Variants in PWWP3A observed in about 807,000 individuals in gnomAD.
The protein encoded by PWWP3A is PWWP domain containing 3A, DNA repair factor.
In PWWP3A, 53 loss-of-function variants were observed where a neutral mutation model predicts 79.0. That is an observed-to-expected ratio of 0.67 (90% confidence interval 0.54 to 0.84). The LOEUF (loss-of-function observed/expected upper bound fraction) is 0.84, where lower values mean the gene tolerates loss of function less well. Ranked by LOEUF, PWWP3A falls within the 40% of genes least tolerant of loss-of-function variation. The probability of loss-of-function intolerance (pLI) is 0.00; values close to 1 mark genes in which losing one functional copy is unlikely to be tolerated. For missense variants in PWWP3A, 973 were observed against 948.0 expected, an observed-to-expected ratio of 1.03 and a Z score of -0.35; for synonymous variants, 443 against 394.4, an observed-to-expected ratio of 1.12 and a Z score of -1.46.
At position 1,377,642 on chromosome 19, in the gene PWWP3A, A is replaced by C. The variant is rs946724372; in HGVS notation, c.*1066A>C. On this transcript the variant is annotated 3_prime_UTR_variant, in exon 14 of 14. Transcript: ENST00000591337. The stretch of plus-strand genomic sequence containing the variant: ...TCCAGCAGGGTCAGACGTGCTGTTA[A>C]GAGCAAAGCCACAGACGATGACTTG... The C allele has an allele frequency of 3.3e-5, 5 of 152,366 alleles. No homozygotes were observed. Among genetic ancestry groups the C allele is most frequent in the Non-Finnish European group, 7.3e-5 (5 of 68,158 alleles). 9.4% of individuals were successfully genotyped at this position (152,366 alleles called of 1,614,324 possible). A position where few individuals can be genotyped will look rare whatever the true frequency, so the allele number is the denominator to read the frequency against.
At position 1,376,302 on chromosome 19, in the gene PWWP3A, T is replaced by TTTG. The variant is rs1555773635; in HGVS notation, c.2076-215_2076-214insGTT. Among the ~76,000 whole-genome samples the TTTG allele has an allele frequency of 3.7e-4, 36 of 96,122 alleles. 1 individual carries two copies. Among genetic ancestry groups the TTTG allele is most frequent in the African/African-American group, 1.8e-3 (33 of 18,694 alleles). 63.1% of individuals were successfully genotyped at this position (96,122 alleles called of 152,430 possible). On this transcript the variant is annotated intron_variant, in intron 13 of 13. Transcript: ENST00000591337. ...CACCACGCCCGGCTGTTTGTTTTTT[T>TTTG]TTTTGTTTGTTTTTTTTTTTTTTTG...
intron 13 of PWWP3A, among the ~76,000 whole-genome samples, chr19:1,375,692 A>G (rs1042242406): frequency 7.4e-6 from 1 of 135,902 alleles, no homozygotes; most frequent in Admixed American, 7.6e-5. Flanking sequence ...ATAATATATA[A>G]AACAATTTAA....
In PWWP3A at chr19:1,369,321, C is replaced by A. The variant is rs760773860; in HGVS notation, c.1479C>A (p.Thr493=). The change falls in exon 10 of 14, where the codon ACC becomes ACA. Residue 493 remains threonine (T), a synonymous_variant. Coordinates refer to ENST00000591337, the MANE Select transcript of PWWP3A (RefSeq NM_001369789.1). The surrounding 1 kb of genome is among the most constrained non-coding windows in gnomAD (Gnocchi z 4.0). ...TCGGCTGGTGTGTCTCCCTCATCAC[C>A]GACTACAGGGTCCGGTTAGGTACGT... ...QDIGWCVSLI[T]DYRVRLGCGS... The A allele has an allele frequency of 6.2e-7, 1 of 1,613,912 alleles. No homozygotes were observed. Among genetic ancestry groups the A allele is most frequent in the African/African-American group, 1.3e-5 (1 of 75,044 alleles).
At position 1,368,424 on chromosome 19, in the gene PWWP3A, A is replaced by C. The variant is rs2082174433; in HGVS notation, c.1423-841A>C. The stretch of plus-strand genomic sequence containing the variant: ...ATGTGGTGGTCCCGAAGCCCACTTG[A>C]TTCAGTGGTAGTCACCGTGGCTTCT... On this transcript the variant is annotated intron_variant, in intron 9 of 13. Transcript: ENST00000591337. This position sits in a 1 kb window ranked among gnomAD's most constrained non-coding sequence, Gnocchi z 4.7. Among the ~76,000 whole-genome samples the C allele has an allele frequency of 6.6e-6, 1 of 152,060 alleles. No individual in the cohort carries two copies. Among genetic ancestry groups the C allele is most frequent in the African/African-American group, 2.4e-5 (1 of 41,396 alleles).
Position 1,361,936 on chromosome 19 carries a change from G to A in PWWP3A, c.1112-314G>A, listed in dbSNP as rs550150315. On this transcript the variant is annotated intron_variant, in intron 5 of 13. Coordinates refer to ENST00000591337, the MANE Select transcript of PWWP3A (RefSeq NM_001369789.1). ...TCAGATGTGAAGGGACAGCCAGGCC[G>A]GGACAAAAGGGATTCCCACCCAGGG... 77 of 259,822 alleles carry A rather than the reference G, an allele frequency of 3.0e-4. 2 individuals are homozygous for A. The highest frequency in any genetic ancestry group is 1.4e-3 in the Middle Eastern group (1 of 714). The allele number at this position is 259,822 out of a possible 1,614,324, so 16.1% of individuals were successfully genotyped here. A position where few individuals can be genotyped will look rare whatever the true frequency, so the allele number is the denominator to read the frequency against.
intron 9 of PWWP3A, among the ~76,000 whole-genome samples, chr19:1,367,631 C>T (rs1199412728): frequency 1.3e-5 from 2 of 152,234 alleles, no homozygotes; most frequent in East Asian, 1.9e-4. Context: ...AGCTCAGCGT[C>T]GGGAGCCCTG....
At chr19:1,364,187 G>A (rs373967883) in intron 6 of PWWP3A, 12 of 555,198 alleles carry the variant, frequency 2.2e-5, no homozygotes, top group African/African-American at 5.6e-5. Flanking sequence ...TAGGAAAGTC[G>A]CGCACACATA....
At chr19:1,356,503 A>G in intron 2 of PWWP3A, 54 bp downstream of exon 2, 2 of 1,564,522 alleles carry the variant, frequency 1.3e-6, no homozygotes, top group East Asian at 4.5e-5. Context: ...TCGGGTGACA[A>G]GTAAAATCTT....
At chr19:1,374,294 C>G (rs2082319859) in intron 13 of PWWP3A, 1 of 152,160 alleles carries the variant, frequency 6.6e-6, no homozygotes, top group Non-Finnish European at 1.5e-5. Flanking sequence ...GGTGCTGGTG[C>G]TGATGGAGAA....
At chr19:1,356,517 CAGG>C (rs149297811) in intron 2 of PWWP3A, 68 bp downstream of exon 2, 121,252 of 1,442,882 alleles carry the variant, frequency 0.084, 5,915 homozygotes, top group Non-Finnish European at 0.1. Flanking sequence ...AAATCTTGAT[CAGG>C]AGATACCTAG....
intron 5 of PWWP3A, 73 bp from the exon 6 acceptor site, chr19:1,362,177 T>G: frequency 1.8e-5 from 24 of 1,299,530 alleles, no homozygotes; most frequent in Non-Finnish European, 2.3e-5. Context: ...TCATGTGTCA[T>G]GAAATGTTTT....
At chr19:1,358,977 G>A (rs1293858925) in intron 4 of PWWP3A, 7 of 315,410 alleles carry the variant, frequency 2.2e-5, no homozygotes, top group Non-Finnish European at 4.5e-5. Context: ...TGTCATGGGG[G>A]GCACGAGGCA....
At chr19:1,367,681 G>A (rs2082158570) in intron 9 of PWWP3A, among the ~76,000 whole-genome samples, 1 of 152,236 alleles carries the variant, frequency 6.6e-6, no homozygotes, top group African/African-American at 2.4e-5. Context: ...CCGATACCAC[G>A]TGGCAGACGT....
At chr19:1,376,319 T>TGGTA (rs2082399655) in intron 13 of PWWP3A, among the ~76,000 whole-genome samples, 200 bp from the exon 14 acceptor site, 1 of 136,126 alleles carries the variant, frequency 7.3e-6, no homozygotes, top group Non-Finnish European at 1.6e-5. Context: ...TTGTTTTTTT[T>TGGTA]TTTTTTTGGT....
chr19:1,370,605 C>T lies in PWWP3A; in HGVS notation c.1550-37C>T. ...CCCACAGCCACCCGAGGAAGGCAGC[C>T]CACGCGCTGGTCCCACGACAGGTGC... On this transcript the variant is annotated intron_variant, in intron 11 of 13. Coordinates refer to ENST00000591337, the MANE Select transcript of PWWP3A (RefSeq NM_001369789.1). 2.1e-6 allele frequency: 3 copies of T among 1,439,362 alleles called. No individual in the cohort carries two copies. The South Asian group carries it at 4.6e-5, about 22-fold the overall frequency. 89.2% of individuals were successfully genotyped at this position (1,439,362 alleles called of 1,614,324 possible). A position where few individuals can be genotyped will look rare whatever the true frequency, so the allele number is the denominator to read the frequency against.
Position 1,370,840 on chromosome 19 carries a change from A to G in PWWP3A, c.1748A>G (p.Lys583Arg), listed in dbSNP as rs201308121. ...CTGGTGGAGTACATTGTGAAGGCCA[A>G]GGGCGCGGAGAGCCACCTGCGGGCC... ...QKLVEYIVKAKGAESHLRAIL... is the reference protein window; with the variant it reads ...QKLVEYIVKARGAESHLRAIL... The change falls in exon 12 of 14, where the codon AAG (lysine) becomes AGG (arginine). Residue 583 changes from lysine (K) to arginine (R), a missense_variant. Transcript: ENST00000591337. 2.5e-6 allele frequency: 4 copies of G among 1,570,998 alleles called. No homozygotes were observed. Among genetic ancestry groups the G allele is most frequent in the Middle Eastern group, 1.7e-4 (1 of 5,912 alleles).
chr19:1,361,363 C>T (rs1441264096), intron 5 of PWWP3A, among the ~76,000 whole-genome samples: 2 of 152,214 alleles, frequency 1.3e-5, no homozygotes, highest in African/African-American at 4.8e-5. Flanking sequence ...TGCGGCTGCA[C>T]CCCGAGGATT....
rs2082035612 is a variant in PWWP3A, at chr19:1,362,323, G to A, written c.1185G>A (p.Glu395=). Residue 395 remains glutamate, a synonymous_variant, in exon 6 of 14, where the codon GAG becomes GAA. Coordinates refer to ENST00000591337, the MANE Select transcript of PWWP3A (RefSeq NM_001369789.1). ...RSILEEDEED[E]EPPRVLLYHE... is the part of the protein sequence containing the mutation. ...TCCTGGAGGAAGACGAGGAAGACGAGGAGCCACCAAGAGTCCTTTTATACC... is the reference window on the plus strand; with the variant it reads ...TCCTGGAGGAAGACGAGGAAGACGAAGAGCCACCAAGAGTCCTTTTATACC... 6.2e-7 allele frequency: 1 copy of A among 1,614,094 alleles called. No individual in the cohort carries two copies. Among genetic ancestry groups the A allele is most frequent in the Non-Finnish European group, 8.5e-7 (1 of 1,179,998 alleles).
chr19:1,357,837 C>T (rs577537993), intron 3 of PWWP3A: 7 of 155,282 alleles, frequency 4.5e-5, no homozygotes, highest in East Asian at 1.9e-4. Flanking sequence ...AGACTGATCC[C>T]GCGTAGTCCA....
Sources: allele counts gnomAD v4.1 joint callset (sites outside exome capture counted in the v4.1 genomes callset), GRCh38; gene constraint gnomAD v4.1.1; non-coding constraint Gnocchi (gnomAD v3.1); transcripts MANE v1.5; gene names NCBI Gene and HGNC (gene_info 2026-07-23, HGNC 2026-07-21).